Variants in SFT2D1 observed in about 807,000 individuals in gnomAD.
The protein encoded by SFT2D1 is vesicle transport protein SFT2A.
Under a neutral mutation model 28.1 loss-of-function variants are expected in SFT2D1, and 24 were observed. The ratio of observed to expected loss-of-function variants is 0.85; its 90% CI spans 0.62 to 1.20. The LOEUF is 1.20. Among genes scored for constraint, SFT2D1 ranks in the 50% most tolerant of loss-of-function variants. The pLI is 0.00. For missense variants in SFT2D1, 181 were observed against 190.9 expected (o/e 0.95, Z 0.31); for synonymous variants, 82 against 73.7 (o/e 1.11, Z -0.58).
chr6:166,333,411 C>A (rs1778587236), intron 1 of SFT2D1, among the ~76,000 whole-genome samples: 1 of 152,208 alleles, frequency 6.6e-6, no homozygotes, highest in Non-Finnish European at 1.5e-5. Flanking sequence ...AGTCTTCCTG[C>A]TCGAAATTAC....
intron 4 of SFT2D1, 37 bp from the exon 5 acceptor site, chr6:166,326,204 T>A (rs1157640233): frequency 1.9e-6 from 3 of 1,574,130 alleles, no homozygotes; most frequent in Non-Finnish European, 2.6e-6. Flanking sequence ...AAGTTTGAGA[T>A]CCTTTCAAAA....
rs147882458 is a variant in SFT2D1, at chr6:166,334,733, C to T, written c.64-4486G>A. 571 of 337,830 alleles carry T rather than the reference C, an allele frequency of 1.7e-3. 4 individuals are homozygous for T. Among genetic ancestry groups the T allele is most frequent in the African/African-American group, 0.011 (539 of 46,960 alleles). 20.9% of individuals were successfully genotyped at this position (337,830 alleles called of 1,614,324 possible). The stretch of plus-strand genomic sequence containing the variant: ...TCGTGGACTGTGTAGTCATGAGATC[C>T]AAGCACCAAGCACTCTGGGGCTTTG... On this transcript the variant is annotated intron_variant, in intron 1 of 7. Transcript: ENST00000361731.
At chr6:166,325,949 A>G in intron 5 of SFT2D1, 183 bp downstream of exon 5, 1 of 645,548 alleles carries the variant, frequency 1.5e-6, no homozygotes, top group African/African-American at 1.8e-5. Flanking sequence ...TGCTGTAGAC[A>G]GTAGAATCTA....
At chr6:166,334,429 C>T (rs992039229) in intron 1 of SFT2D1, 14 of 152,638 alleles carry the variant, frequency 9.2e-5, no homozygotes, top group African/African-American at 3.4e-4. Context: ...TCCATCTCTA[C>T]AAAAAATACA....
chr6:166,324,446 G>T, intron 6 of SFT2D1, 91 bp downstream of exon 6: 1 of 1,299,540 alleles, frequency 7.7e-7, no homozygotes, highest in Non-Finnish European at 1.1e-6. Flanking sequence ...CAAAACACCA[G>T]ACGAAATGCT....
At chr6:166,342,360 T>C in intron 1 of SFT2D1, 59 bp downstream of exon 1, 1 of 1,493,602 alleles carries the variant, frequency 6.7e-7, no homozygotes, top group African/African-American at 1.4e-5. Context: ...CGGCCGGTCC[T>C]CAGTGCGGCC....
At position 166,334,311 on chromosome 6, in the gene SFT2D1, T is replaced by C. The variant is rs142948300; in HGVS notation, c.64-4064A>G. 1.6e-3 allele frequency among the ~76,000 whole-genome samples: 237 copies of C among 152,308 alleles called. 2 individuals carry two copies. The highest frequency in any genetic ancestry group is 5.4e-3 in the African/African-American group (223 of 41,574). The stretch of plus-strand genomic sequence containing the variant: ...GCTGGCTGCTACACCAAAAATACCA[T>C]AGGCCAGGCACTGTGGCTCACGCCT... On this transcript the variant is annotated intron_variant, in intron 1 of 7. Transcript: ENST00000361731.
chr6:166,335,148 C>A (rs779870755), intron 1 of SFT2D1: 59 of 610,390 alleles, frequency 9.7e-5, no homozygotes, highest in Non-Finnish European at 1.6e-4. Flanking sequence ...CTTTATCCAG[C>A]CAAAGAGGTC....
At chr6:166,330,391 C>T (rs1240024230) in intron 1 of SFT2D1, 144 bp from the exon 2 acceptor site, 2 of 631,026 alleles carry the variant, frequency 3.2e-6, no homozygotes, top group South Asian at 2.1e-5. Context: ...TACTAAGATT[C>T]CACGGTTGTT....
intron 7 of SFT2D1, among the ~76,000 whole-genome samples, chr6:166,322,312 G>A (rs1387385018): frequency 6.6e-6 from 1 of 152,196 alleles, no homozygotes; most frequent in African/African-American, 2.4e-5. Context: ...AGCAGGGCGG[G>A]AGGATACTCC....
chr6:166,336,643 C>G (rs550970093), intron 1 of SFT2D1, among the ~76,000 whole-genome samples: 29 of 152,250 alleles, frequency 1.9e-4, no homozygotes, highest in African/African-American at 6.7e-4. Context: ...GCAATGGATC[C>G]TTCTTTTCCT....
At position 166,324,548 on chromosome 6, in the gene SFT2D1, C is replaced by A. The variant is rs1255573502; in HGVS notation, c.399G>T (p.Leu133Phe). The change falls in exon 6 of 8, where the codon TTG (leucine) becomes TTT (phenylalanine). Residue 133 changes from leucine to phenylalanine, a missense_variant. Physicochemically the swap from Leu to Phe is conservative, Grantham distance 22 (BLOSUM62 0). Transcript: ENST00000361731. Reference protein sequence around the residue: ...LAVLFCILQFLSMTWYSLSYI... With the variant: ...LAVLFCILQFFSMTWYSLSYI... ...AAGGAAAGACTTACCAGGTCATTGA[C>A]AAGAACTGCAATATGCAGAATAACA... 6.2e-7 allele frequency: 1 copy of A among 1,612,280 alleles called. No individual in the cohort carries two copies. Among genetic ancestry groups the A allele is most frequent in the South Asian group, 1.1e-5 (1 of 90,692 alleles).
chr6:166,332,172 G>A (rs1778564149), intron 1 of SFT2D1, among the ~76,000 whole-genome samples: 1 of 152,214 alleles, frequency 6.6e-6, no homozygotes, highest in Admixed American at 6.5e-5. Context: ...CAGATTTCCT[G>A]ACTCCTAATT....
chr6:166,340,979 C>T (rs1778768589), intron 1 of SFT2D1, among the ~76,000 whole-genome samples: 3 of 152,208 alleles, frequency 2.0e-5, no homozygotes, highest in Admixed American at 2.0e-4. Context: ...ATTACCTTTG[C>T]ATCTCCAAAG....
chr6:166,330,253 TA>T lies in SFT2D1; in HGVS notation c.64-7del. 2 of 1,582,688 alleles carry T rather than the reference TA, an allele frequency of 1.3e-6. No individual in the cohort carries two copies. The highest frequency in any genetic ancestry group is 1.4e-5 in the African/African-American group (1 of 73,292). On this transcript the variant is annotated splice_region_variant and splice_polypyrimidine_tract_variant and intron_variant, in intron 1 of 7. Coordinates refer to ENST00000361731, the MANE Select transcript of SFT2D1 (RefSeq NM_145169.3). ...AGGGATGAGGCATCCAGGACCTTAA[TA>T]AAAAATGGGAAAATTTAGAATATAG...
At chr6:166,323,051 T>C in intron 6 of SFT2D1, 165 bp from the exon 7 acceptor site, 1 of 545,734 alleles carries the variant, frequency 1.8e-6, no homozygotes, top group East Asian at 3.0e-5. Context: ...GGGAACTTGT[T>C]AAAAATGTAA....
Position 166,326,118 on chromosome 6 carries a change from C to T in SFT2D1, c.351+14G>A. On this transcript the variant is annotated intron_variant, in intron 5 of 7. Transcript: ENST00000361731. ...CACAGTTAACTGAAAGCCAGTAGGG[C>T]TGACATAACTTACCCAAAGAGCAGC... 6.2e-7 allele frequency: 1 copy of T among 1,613,260 alleles called. No individual in the cohort carries two copies. Among genetic ancestry groups the T allele is most frequent in the South Asian group, 1.1e-5 (1 of 91,020 alleles).
chr6:166,332,466 G>A (rs1778569762), intron 1 of SFT2D1, among the ~76,000 whole-genome samples: 1 of 152,160 alleles, frequency 6.6e-6, no homozygotes, highest in African/African-American at 2.4e-5. Context: ...ATGTTGGCCA[G>A]GCTGGTCTCA....
chr6:166,342,440 C>T lies in SFT2D1; in HGVS notation c.42G>A (p.Glu14=). 6.4e-7 allele frequency: 1 copy of T among 1,560,930 alleles called. No individual in the cohort carries two copies. The highest frequency in any genetic ancestry group is 8.7e-7 in the Non-Finnish European group (1 of 1,153,220). The change falls in exon 1 of 8, where the codon GAG becomes GAA. Residue 14 remains glutamate (E), a synonymous_variant. Coordinates refer to ENST00000361731, the MANE Select transcript of SFT2D1 (RefSeq NM_145169.3). ...CTACCTGCGCAGTCAGGCCCTGCTC[C>T]TCGTCGTCCTGGCCGCTCAGGACTC... ...LRRVLSGQDD[E]EQGLTAQVLD... is the part of the protein sequence containing the mutation.
Sources: gnomAD v4.1 joint callset for allele counts (sites outside exome capture counted in the v4.1 genomes callset) on GRCh38, gnomAD v4.1.1 for gene constraint, MANE v1.5 for transcripts, NCBI Gene and HGNC (gene_info 2026-07-23, HGNC 2026-07-21) for gene names.